Variants in SLC36A1 observed in about 807,000 individuals in gnomAD.
SLC36A1 encodes the protein proton-coupled amino acid transporter 1.
A neutral mutation model predicts 47.5 loss-of-function variants in SLC36A1; 30 were observed. The observed-to-expected ratio is 0.63, with a 90% CI of 0.47 to 0.86. SLC36A1 has a LOEUF of 0.86. SLC36A1 is among the 40% of genes least tolerant of loss of function. The pLI, the probability that SLC36A1 is intolerant of heterozygous loss-of-function variation, is 0.00. For missense variants in SLC36A1, 517 were observed against 606.0 expected (o/e 0.85, Z 1.54); for synonymous variants, 255 against 249.7 (o/e 1.02, Z -0.20).
At chr5:151,537,559 T>C in the SLC36A1 span, among the ~76,000 whole-genome samples, 2 of 152,202 alleles carry the variant, frequency 1.3e-5, no homozygotes, top group Admixed American at 6.5e-5. Context: ...ATTTAGCACA[T>C]TTAAAACCAC....
chr5:151,528,062 A>G, the SLC36A1 span: 1 of 1,614,184 alleles, frequency 6.2e-7, no homozygotes, highest in African/African-American at 1.3e-5. Flanking sequence ...TGAAGTGCCC[A>G]AGCTGGTTCC....
At chr5:151,513,115 CAG>C in the SLC36A1 span, among the ~76,000 whole-genome samples, 1 of 152,162 alleles carries the variant, frequency 6.6e-6, no homozygotes, top group Non-Finnish European at 1.5e-5. Context: ...AAGTATACAA[CAG>C]AGTTTTGGAG....
chr5:151,512,202 G>T, the SLC36A1 span: 2 of 1,614,160 alleles, frequency 1.2e-6, no homozygotes, highest in South Asian at 1.1e-5. The surrounding 1 kb of genome is among the most constrained non-coding windows in gnomAD (Gnocchi z 4.1). Context: ...CACCATTGAG[G>T]CATGTGTTCT....
At chr5:151,353,873 A>G in the SLC36A1 span, among the ~76,000 whole-genome samples, 7 of 152,212 alleles carry the variant, frequency 4.6e-5, no homozygotes, top group South Asian at 4.1e-4. Flanking sequence ...AGTTTTCTCC[A>G]TGTTTTTTTA....
chr5:151,451,219 A>T (rs1359182181), intron 1 of SLC36A1, among the ~76,000 whole-genome samples: 1 of 151,622 alleles, frequency 6.6e-6, no homozygotes, highest in Non-Finnish European at 1.5e-5. Context: ...ATTTTATTTT[A>T]TTATTATTAT....
chr5:151,478,705 A>G (rs1435054915), intron 9 of SLC36A1, among the ~76,000 whole-genome samples: 2 of 152,168 alleles, frequency 1.3e-5, no homozygotes, highest in East Asian at 3.8e-4. Flanking sequence ...TCTAGTTCCC[A>G]ATTTTACAAT....
At chr5:151,542,622 C>T in the SLC36A1 span, 3 of 1,614,196 alleles carry the variant, frequency 1.9e-6, no homozygotes, top group Non-Finnish European at 2.5e-6. Context: ...CTGCAGACAG[C>T]CTGTAGCTCA....
chr5:151,371,274 T>A, the SLC36A1 span, among the ~76,000 whole-genome samples: 1 of 152,220 alleles, frequency 6.6e-6, no homozygotes, highest in Admixed American at 6.5e-5. Flanking sequence ...TATAGAACTT[T>A]GGAGTTCTTA....
chr5:151,553,791 T>C, the SLC36A1 span, among the ~76,000 whole-genome samples: 1 of 152,224 alleles, frequency 6.6e-6, no homozygotes, highest in African/African-American at 2.4e-5. Flanking sequence ...TTGTGCGCAA[T>C]ATCTGATTTA....
At chr5:151,498,914 C>T in the SLC36A1 span, among the ~76,000 whole-genome samples, 1 of 152,218 alleles carries the variant, frequency 6.6e-6, no homozygotes, top group Non-Finnish European at 1.5e-5. Context: ...ATCCTCATAC[C>T]TGCCTGCGCT....
At chr5:151,521,644 T>C in the SLC36A1 span, 4 of 1,614,062 alleles carry the variant, frequency 2.5e-6, no homozygotes, top group Non-Finnish European at 3.4e-6. Flanking sequence ...CCTCTGCAGG[T>C]TCCGCCAGTG....
At position 151,479,199 on chromosome 5, in the gene SLC36A1, G is replaced by A. The variant is rs1561777902; in HGVS notation, c.990-121G>A. ...AGACATGAAATTGCTGGGTCCGAAG[G>A]ACATGTGGGTTTGTATCCTTGATAA... On this transcript the variant is annotated intron_variant, in intron 9 of 10. Transcript: ENST00000243389. 1.8e-5 allele frequency: 19 copies of A among 1,035,136 alleles called. No homozygotes were observed. The South Asian group carries it at 2.6e-4, about 14-fold the overall frequency. The allele number at this position is 1,035,136 out of a possible 1,614,324, so 64.1% of individuals were successfully genotyped here. A position where few individuals can be genotyped will look rare whatever the true frequency, so the allele number is the denominator to read the frequency against.
chr5:151,456,473 A>G (rs1374217884), intron 1 of SLC36A1, among the ~76,000 whole-genome samples: 1 of 152,232 alleles, frequency 6.6e-6, no homozygotes, highest in African/African-American at 2.4e-5. Context: ...GGGCCTCCTG[A>G]CATACCTGTA....
chr5:151,354,925 A>G, the SLC36A1 span, among the ~76,000 whole-genome samples: 1 of 152,180 alleles, frequency 6.6e-6, no homozygotes, highest in Non-Finnish European at 1.5e-5. Flanking sequence ...AGGAGGCTAG[A>G]TGCTGGGCAG....
chr5:151,383,570 A>T, the SLC36A1 span, among the ~76,000 whole-genome samples: 5 of 137,110 alleles, frequency 3.6e-5, no homozygotes, highest in Non-Finnish European at 4.6e-5. Context: ...TTTTAACTTA[A>T]ATTTTTTTTT....
the SLC36A1 span, chr5:151,553,503 GTCAT>G: frequency 1.1e-6 from 1 of 870,950 alleles, no homozygotes; most frequent in Non-Finnish European, 1.8e-6. Flanking sequence ...CTCTCATCCA[GTCAT>G]TCATTCATCT....
At chr5:151,479,039 G>A (rs530108047) in intron 9 of SLC36A1, among the ~76,000 whole-genome samples, 23 of 152,308 alleles carry the variant, frequency 1.5e-4, no homozygotes, top group Admixed American at 2.6e-4. Flanking sequence ...GGGGCACCAC[G>A]ATTTACCTAT....
intron 1 of SLC36A1, among the ~76,000 whole-genome samples, chr5:151,455,774 C>T (rs994072306): frequency 2.0e-5 from 3 of 152,180 alleles, no homozygotes; most frequent in African/African-American, 7.2e-5. Context: ...GTCCTTCGGC[C>T]TTTGTTACCA....
At chr5:151,398,165 A>T in the SLC36A1 span, among the ~76,000 whole-genome samples, 32 of 152,168 alleles carry the variant, frequency 2.1e-4, no homozygotes, top group Non-Finnish European at 4.4e-5. Flanking sequence ...TGACGCAGCA[A>T]CCATTGCCCC....
Sources: allele counts gnomAD v4.1 joint callset (sites outside exome capture counted in the v4.1 genomes callset), GRCh38; gene constraint gnomAD v4.1.1; non-coding constraint Gnocchi (gnomAD v3.1); transcripts MANE v1.5; gene names NCBI Gene and HGNC (gene_info 2026-07-23, HGNC 2026-07-21).